GARIN1B: variants seen among roughly 807,000 people sequenced by gnomAD.
GARIN1B encodes Golgi-associated RAB2 interactor protein 1B.
chr7:128,716,538 A>G, the GARIN1B span, among the ~76,000 whole-genome samples: 1 of 152,182 alleles, frequency 6.6e-6, no homozygotes, highest in Non-Finnish European at 1.5e-5. Flanking sequence ...GTGGCTATCA[A>G]CAAGAATTGA....
At chr7:128,730,085 G>T in the GARIN1B span, 1 of 1,606,722 alleles carries the variant, frequency 6.2e-7, no homozygotes, top group Admixed American at 1.7e-5. Flanking sequence ...GCAATGGGAG[G>T]AATCCCCTGC....
At chr7:128,713,381 G>A in the GARIN1B span, among the ~76,000 whole-genome samples, 3 of 152,160 alleles carry the variant, frequency 2.0e-5, no homozygotes, top group Non-Finnish European at 4.4e-5. Flanking sequence ...TCTGTCACAT[G>A]GTTTCTAAAA....
the GARIN1B span, chr7:128,731,507 A>C: frequency 3.5e-6 from 1 of 289,468 alleles, no homozygotes; most frequent in South Asian, 5.8e-5. Flanking sequence ...AACGGAAGAG[A>C]CTTGGTAGAC....
chr7:128,726,753 A>G, the GARIN1B span: 1 of 1,546,412 alleles, frequency 6.5e-7, no homozygotes, highest in East Asian at 2.2e-5. Context: ...CTTTGGAACA[A>G]GATCTGAAAT....
the GARIN1B span, chr7:128,718,830 G>T: frequency 6.2e-7 from 1 of 1,613,018 alleles, no homozygotes; most frequent in Non-Finnish European, 8.5e-7. Context: ...GGTGGCTTCA[G>T]GATTCTCCCA....
chr7:128,723,160 C>A, the GARIN1B span: 1 of 1,572,166 alleles, frequency 6.4e-7, no homozygotes, highest in Non-Finnish European at 8.6e-7. Flanking sequence ...GACCCCAAGG[C>A]CTTAACCACC....
At chr7:128,729,074 G>A in the GARIN1B span, among the ~76,000 whole-genome samples, 1 of 152,178 alleles carries the variant, frequency 6.6e-6, no homozygotes, top group East Asian at 1.9e-4. Flanking sequence ...AGGGTATCTG[G>A]CATCATGGGA....
chr7:128,730,878 C>T, the GARIN1B span, among the ~76,000 whole-genome samples: 22 of 152,292 alleles, frequency 1.4e-4, no homozygotes, highest in African/African-American at 4.8e-4. Flanking sequence ...AACTCTCGAC[C>T]TCAGAACTCT....
the GARIN1B span, chr7:128,715,491 C>T: frequency 6.2e-7 from 1 of 1,614,086 alleles, no homozygotes; most frequent in Non-Finnish European, 8.5e-7. Context: ...TCAAAGAAGA[C>T]AGTAAAAGTC....
the GARIN1B span, among the ~76,000 whole-genome samples, chr7:128,719,726 G>C: frequency 2.3e-5 from 3 of 128,542 alleles, no homozygotes; most frequent in African/African-American, 9.0e-5. Context: ...TTGAGATGGA[G>C]TCTTACTCTG....
the GARIN1B span, among the ~76,000 whole-genome samples, chr7:128,721,779 A>C: frequency 6.6e-6 from 1 of 152,134 alleles, no homozygotes; most frequent in Non-Finnish European, 1.5e-5. Flanking sequence ...CTATTTATTG[A>C]AAGAGTTTTC....
chr7:128,715,295 G>T, the GARIN1B span: 13 of 1,458,900 alleles, frequency 8.9e-6, no homozygotes, highest in Non-Finnish European at 1.2e-5. Context: ...TCCCCTTCCT[G>T]CAGGTCTGTC....
the GARIN1B span, among the ~76,000 whole-genome samples, chr7:128,713,579 CA>C: frequency 6.6e-6 from 1 of 152,202 alleles, no homozygotes; most frequent in Non-Finnish European, 1.5e-5. Context: ...CTTCCCAAAG[CA>C]CTAGAATTAC....
chr7:128,719,080 G>T, the GARIN1B span: 1 of 1,612,812 alleles, frequency 6.2e-7, no homozygotes, highest in Admixed American at 1.7e-5. Flanking sequence ...CAGGAGATTC[G>T]AAGGTAAGTG....
At chr7:128,730,146 G>C in the GARIN1B span, 1 of 1,468,296 alleles carries the variant, frequency 6.8e-7, no homozygotes, top group South Asian at 1.3e-5. Context: ...CAGATCCTGG[G>C]GTCCTGAGGG....
the GARIN1B span, among the ~76,000 whole-genome samples, chr7:128,712,967 A>C: frequency 1.3e-5 from 2 of 152,134 alleles, no homozygotes; most frequent in Admixed American, 1.3e-4. Flanking sequence ...AATCTTTCTT[A>C]CAGGAGACCT....
At chr7:128,721,851 T>C in the GARIN1B span, among the ~76,000 whole-genome samples, 1 of 152,256 alleles carries the variant, frequency 6.6e-6, no homozygotes, top group South Asian at 2.1e-4. Flanking sequence ...TCTGCATCTA[T>C]TAAGATGATT....
the GARIN1B span, chr7:128,713,765 A>G: frequency 2.6e-6 from 1 of 387,832 alleles, no homozygotes; most frequent in Non-Finnish European, 4.9e-6. Flanking sequence ...AGAAGAAGTC[A>G]TCTCCCCAAC....
chr7:128,724,908 C>T, the GARIN1B span: 7 of 1,275,148 alleles, frequency 5.5e-6, no homozygotes, highest in East Asian at 5.6e-5. Context: ...GGGCCCAAGT[C>T]ATTGCTCTGA....
Sources: allele counts gnomAD v4.1 joint callset (sites outside exome capture counted in the v4.1 genomes callset), GRCh38; gene constraint gnomAD v4.1.1; transcripts MANE v1.5; gene names NCBI Gene and HGNC (gene_info 2026-07-23, HGNC 2026-07-21).